The following MICOS10 variants were observed in gnomAD, a reference collection of about 807,000 sequenced individuals.
The protein encoded by MICOS10 is MICOS complex subunit MIC10.
A neutral mutation model predicts 13.4 loss-of-function variants in MICOS10; 5 were observed. The observed-to-expected ratio is 0.37, with a 90% CI of 0.20 to 0.78. The LOEUF is 0.78. MICOS10 is among the 30% of genes least tolerant of loss of function. MICOS10 has a pLI of 0.47. For synonymous variants in MICOS10, 35 were observed against 33.6 expected, an observed-to-expected ratio of 1.04 and a Z score of -0.15; for missense variants, 101 against 94.6, an observed-to-expected ratio of 1.07 and a Z score of -0.28.
chr1:19,607,838 A>T (rs1467633596), intron 1 of MICOS10, among the ~76,000 whole-genome samples: 1 of 152,272 alleles, frequency 6.6e-6, no homozygotes, highest in East Asian at 1.9e-4. Context: ...TAAAGCTACA[A>T]GACAGTGTGG....
intron 1 of MICOS10, chr1:19,614,384 T>TCA (rs140196069): frequency 1.2e-4 from 18 of 150,358 alleles, no homozygotes; most frequent in South Asian, 2.1e-4. Context: ...ACTCTCTCTT[T>TCA]CACACACACA....
At chr1:19,623,805 A>T in intron 3 of MICOS10, 1 of 409,294 alleles carries the variant, frequency 2.4e-6, no homozygotes. Context: ...ATATATACTC[A>T]TGTGCTAGCC....
intron 1 of MICOS10, among the ~76,000 whole-genome samples, chr1:19,599,130 A>C (rs1306806257): frequency 1.3e-5 from 2 of 151,768 alleles, no homozygotes; most frequent in African/African-American, 4.8e-5. Context: ...ATCTCGGCTC[A>C]CTGCAACTTC....
chr1:19,622,173 A>G (rs752798753), intron 2 of MICOS10, 26 bp downstream of exon 2: 38 of 1,576,046 alleles, frequency 2.4e-5, no homozygotes, highest in Non-Finnish European at 2.3e-5. Context: ...TCTTTTCAAC[A>G]TAATGTCATA....
At chr1:19,616,279 G>T (rs1308811669) in intron 1 of MICOS10, among the ~76,000 whole-genome samples, 3 of 152,184 alleles carry the variant, frequency 2.0e-5, no homozygotes, top group African/African-American at 7.2e-5. Context: ...CTATAATGAT[G>T]TATAAATAGG....
chr1:19,608,309 C>A, intron 1 of MICOS10: 1 of 1,324,548 alleles, frequency 7.5e-7, no homozygotes, highest in Non-Finnish European at 1.1e-6. Context: ...GAAGGCAGAC[C>A]GAGATGAATC....
rs1191536998 is a variant in MICOS10 at position 19,600,007 on chromosome 1, G to A, written c.64+2898G>A. 7.9e-5 allele frequency among the ~76,000 whole-genome samples: 12 copies of A among 152,144 alleles called. No individual in the cohort carries two copies. The East Asian group carries it at 2.1e-3, about 27-fold the overall frequency. ...TTTATTGAGCTGTGGGTCAGTCAGC[G>A]GGCAAATAGAGAAGCATAAGACATT... On this transcript the variant is annotated intron_variant, in intron 1 of 3. Transcript: ENST00000322753.
chr1:19,622,092 C>T lies in MICOS10; in HGVS notation c.65-8C>T. On this transcript the variant is annotated splice_polypyrimidine_tract_variant and splice_region_variant and intron_variant, in intron 1 of 3. Transcript: ENST00000322753. ...GAGATTTAGCATGTTTTTTCTCCCT[C>T]TTTGTAGGTACTGGTTTTGGATTAG... The T allele has an allele frequency of 3.1e-6, 5 of 1,608,308 alleles. No homozygotes were observed. Among genetic ancestry groups the T allele is most frequent in the Non-Finnish European group, 3.4e-6 (4 of 1,175,712 alleles).
chr1:19,622,625 C>T (rs913925705), intron 2 of MICOS10, among the ~76,000 whole-genome samples: 2 of 152,090 alleles, frequency 1.3e-5, no homozygotes, highest in African/African-American at 2.4e-5. Context: ...GTTTGGATAC[C>T]GAATAGATGC....
chr1:19,619,754 G>T (rs1256875047), intron 1 of MICOS10, among the ~76,000 whole-genome samples: 1 of 152,196 alleles, frequency 6.6e-6, no homozygotes, highest in Non-Finnish European at 1.5e-5. Flanking sequence ...TAAATTGCAT[G>T]GTTAGATTGA....
chr1:19,625,392 A>G, intron 3 of MICOS10: 1 of 1,289,054 alleles, frequency 7.8e-7, no homozygotes, highest in Non-Finnish European at 1.0e-6. Context: ...GCCATTTTAG[A>G]ACCTGCTGAA....
chr1:19,609,434 G>T (rs745392255), intron 1 of MICOS10, among the ~76,000 whole-genome samples: 6 of 152,124 alleles, frequency 3.9e-5, no homozygotes, highest in Non-Finnish European at 7.3e-5. Context: ...AACACTGTTT[G>T]GCCATTTATT....
intron 2 of MICOS10, among the ~76,000 whole-genome samples, chr1:19,622,889 A>C (rs1293705754): frequency 6.6e-6 from 1 of 151,922 alleles, no homozygotes; most frequent in African/African-American, 2.4e-5. Context: ...GAGAAGTTAA[A>C]AGGTTTATCT....
chr1:19,619,824 T>G (rs1036607467), intron 1 of MICOS10, among the ~76,000 whole-genome samples: 4 of 152,256 alleles, frequency 2.6e-5, no homozygotes, highest in African/African-American at 9.6e-5. Flanking sequence ...CCAAAAGGCA[T>G]GGTTTCAGAG....
intron 3 of MICOS10, chr1:19,625,723 G>T (rs1303014152): frequency 2.6e-6 from 3 of 1,154,168 alleles, no homozygotes; most frequent in Non-Finnish European, 3.3e-6. Flanking sequence ...GTATTTAATG[G>T]CTGGGAGTTC....
At chr1:19,601,188 C>T (rs2094813349) in intron 1 of MICOS10, 1 of 362,748 alleles carries the variant, frequency 2.8e-6, no homozygotes, top group Non-Finnish European at 5.3e-6. Flanking sequence ...CACCCTGAGG[C>T]TTGAATAATA....
chr1:19,608,539 G>A (rs766592303), intron 1 of MICOS10: 50 of 984,562 alleles, frequency 5.1e-5, no homozygotes, highest in Middle Eastern at 2.1e-4. Flanking sequence ...GCACTCTCAG[G>A]AAGGGGGTCA....
intron 2 of MICOS10, among the ~76,000 whole-genome samples, chr1:19,622,423 AG>A (rs758070019): frequency 7.2e-5 from 11 of 152,200 alleles, no homozygotes; most frequent in Admixed American, 2.0e-4. Flanking sequence ...ACTTGATGCC[AG>A]TGAGTCATTT....
intron 1 of MICOS10, chr1:19,608,064 T>G: frequency 1.2e-6 from 1 of 807,966 alleles, no homozygotes; most frequent in East Asian, 2.4e-5. Flanking sequence ...GCTAAAACTA[T>G]AAAACCTATA....
Sources: allele counts gnomAD v4.1 joint callset (sites outside exome capture counted in the v4.1 genomes callset), GRCh38; gene constraint gnomAD v4.1.1; transcripts MANE v1.5; gene names NCBI Gene and HGNC (gene_info 2026-07-23, HGNC 2026-07-21).